Variants in KCNT2 observed in about 807,000 individuals in gnomAD.
KCNT2 encodes potassium sodium-activated channel subfamily T member 2.
A neutral mutation model predicts 153.8 loss-of-function variants in KCNT2; 67 were observed. That is an observed-to-expected ratio of 0.44 (90% CI 0.36 to 0.53). KCNT2 has a LOEUF of 0.53. Among genes scored for constraint, KCNT2 ranks in the 20% least tolerant of loss-of-function variants. The pLI, the probability that KCNT2 is intolerant of heterozygous loss-of-function variation, is 0.00. For synonymous variants in KCNT2, 500 were observed against 458.8 expected (o/e 1.09, Z -1.15); for missense variants, 975 against 1,354.8 (o/e 0.72, Z 4.40).
chr1:196,296,973 A>C (rs1660729516), intron 22 of KCNT2, among the ~76,000 whole-genome samples: 1 of 152,066 alleles, frequency 6.6e-6, no homozygotes, highest in African/African-American at 2.4e-5. Flanking sequence ...GTCTAATGTG[A>C]TATTCATTTT....
intron 19 of KCNT2, among the ~76,000 whole-genome samples, chr1:196,321,318 G>A (rs1387099495): frequency 6.6e-6 from 1 of 151,826 alleles, no homozygotes; most frequent in Non-Finnish European, 1.5e-5. Context: ...CTGGGCTGTT[G>A]CGGTGATCTG....
At position 196,472,057 on chromosome 1, in the gene KCNT2, C is replaced by T. The variant is rs114538541; in HGVS notation, c.385-2989G>A. On this transcript the variant is annotated intron_variant, in intron 5 of 27. Coordinates refer to ENST00000294725, the MANE Select transcript of KCNT2 (RefSeq NM_198503.5). ...CTACTTTATGCTTGTAGACTTTTGC[C>T]CACATCTGTCCCTCTGGCTGGAATA... Among the ~76,000 whole-genome samples, 557 of 152,192 alleles carry T rather than the reference C, an allele frequency of 3.7e-3. 4 individuals carry two copies. The highest frequency in any genetic ancestry group is 0.012 in the African/African-American group (514 of 41,516).
At chr1:196,440,362 C>A (rs1398130979) in intron 8 of KCNT2, among the ~76,000 whole-genome samples, 1 of 151,960 alleles carries the variant, frequency 6.6e-6, no homozygotes, top group Non-Finnish European at 1.5e-5. Flanking sequence ...TTTGGCAATT[C>A]TGGCTTAGGC....
chr1:196,491,651 A>G (rs1313272495), intron 2 of KCNT2, among the ~76,000 whole-genome samples: 1 of 152,024 alleles, frequency 6.6e-6, no homozygotes, highest in African/African-American at 2.4e-5. Flanking sequence ...GCTCAGGAGG[A>G]CAGTTACTAT....
At chr1:196,596,685 G>A (rs1664126267) in intron 1 of KCNT2, among the ~76,000 whole-genome samples, 1 of 152,090 alleles carries the variant, frequency 6.6e-6, no homozygotes, top group Admixed American at 6.6e-5. Context: ...ACCAAATTCA[G>A]GATTCTTACA....
intron 26 of KCNT2, among the ~76,000 whole-genome samples, chr1:196,255,791 T>C (rs369436801): frequency 7.9e-5 from 12 of 151,962 alleles, no homozygotes; most frequent in African/African-American, 1.9e-4. Flanking sequence ...TGTGTACTTG[T>C]ATTCTAATGC....
At chr1:196,568,780 CTTTT>C (rs10566305) in intron 1 of KCNT2, among the ~76,000 whole-genome samples, 2 of 145,054 alleles carry the variant, frequency 1.4e-5, no homozygotes, top group African/African-American at 5.0e-5. Context: ...TAATAATGAG[CTTTT>C]TTTTTTTTTC....
chr1:196,266,465 G>T (rs1013395521), intron 25 of KCNT2, among the ~76,000 whole-genome samples: 1 of 152,122 alleles, frequency 6.6e-6, no homozygotes, highest in African/African-American at 2.4e-5. Flanking sequence ...AACAGATATT[G>T]TCTAAAAATA....
chr1:196,545,688 G>T (rs1010012226), intron 1 of KCNT2, among the ~76,000 whole-genome samples: 1 of 151,870 alleles, frequency 6.6e-6, no homozygotes, highest in Non-Finnish European at 1.5e-5. Flanking sequence ...AAGAAATGGT[G>T]CACCCATTTG....
chr1:196,420,358 CTTTTTGTGTATGG>C (rs1673098756), intron 12 of KCNT2, among the ~76,000 whole-genome samples: 1 of 151,634 alleles, frequency 6.6e-6, no homozygotes, highest in Admixed American at 6.6e-5. Context: ...CTGAGTTTCT[CTTTTTGTGTATGG>C]TTTTTGTTTG....
chr1:196,352,664 A>T (rs1461768318), intron 14 of KCNT2, among the ~76,000 whole-genome samples: 5 of 151,904 alleles, frequency 3.3e-5, no homozygotes, highest in Non-Finnish European at 5.9e-5. Context: ...CAGCTCCTGG[A>T]TTCATTAATT....
chr1:196,411,639 T>C (rs775805835), intron 12 of KCNT2, among the ~76,000 whole-genome samples: 15 of 151,896 alleles, frequency 9.9e-5, no homozygotes, highest in Admixed American at 2.0e-4. Flanking sequence ...TTGAGGGCTA[T>C]GGTAAAAGAG....
At chr1:196,265,728 A>T (rs1259721278) in intron 25 of KCNT2, among the ~76,000 whole-genome samples, 5 of 152,202 alleles carry the variant, frequency 3.3e-5, no homozygotes, top group African/African-American at 1.2e-4. Flanking sequence ...TCCACCCCAA[A>T]AAATGCTTCT....
intron 12 of KCNT2, among the ~76,000 whole-genome samples, chr1:196,419,161 T>C (rs1405698333): frequency 1.3e-5 from 2 of 151,592 alleles, no homozygotes; most frequent in African/African-American, 4.8e-5. Context: ...TTTTTTAATT[T>C]TTAATTTTTT....
At chr1:196,323,446 T>G (rs2148056203) in intron 19 of KCNT2, among the ~76,000 whole-genome samples, 1 of 151,978 alleles carries the variant, frequency 6.6e-6, no homozygotes, top group East Asian at 1.9e-4. Flanking sequence ...AATCAAAATA[T>G]TTAAAATCAG....
intron 25 of KCNT2, chr1:196,259,722 A>G (rs1656831632): frequency 6.6e-6 from 1 of 152,006 alleles, no homozygotes; most frequent in Non-Finnish European, 1.5e-5. Flanking sequence ...ATTTCATCCA[A>G]AAATTCAAAT....
intron 24 of KCNT2, 97 bp from the exon 25 acceptor site, chr1:196,281,085 C>G: frequency 2.2e-6 from 2 of 905,876 alleles, no homozygotes; most frequent in Non-Finnish European, 3.4e-6. Context: ...TTGTGGGGGG[C>G]AGGGTCTCAC....
chr1:196,293,155 A>C (rs1333014993), intron 22 of KCNT2, among the ~76,000 whole-genome samples: 2 of 152,210 alleles, frequency 1.3e-5, no homozygotes, highest in African/African-American at 4.8e-5. Flanking sequence ...TATTGTGGTC[A>C]TAAACTGGAA....
intron 8 of KCNT2, among the ~76,000 whole-genome samples, chr1:196,454,973 G>A (rs1281875892): frequency 1.3e-5 from 2 of 151,876 alleles, no homozygotes; most frequent in Non-Finnish European, 2.9e-5. Context: ...GTGATTGTTG[G>A]ACTAAAGTAC....
Sources: allele counts gnomAD v4.1 joint callset (sites outside exome capture counted in the v4.1 genomes callset), GRCh38; gene constraint gnomAD v4.1.1; transcripts MANE v1.5; gene names NCBI Gene and HGNC (gene_info 2026-07-23, HGNC 2026-07-21).